MAPK10: variants seen among roughly 807,000 people sequenced by gnomAD.
The protein encoded by MAPK10 is mitogen-activated protein kinase 10.
MAPK10 carries 25 observed loss-of-function variants against 59.3 expected under a neutral mutation model. That is an observed-to-expected ratio of 0.42 (90% CI 0.31 to 0.59). MAPK10 has a LOEUF of 0.59. MAPK10 is among the 20% of genes least tolerant of loss of function. The probability of loss-of-function intolerance (pLI) is 0.15; values close to 1 mark genes in which losing one functional copy is unlikely to be tolerated. For missense variants in MAPK10, 351 were observed against 568.9 expected (o/e 0.62, Z 3.90); for synonymous variants, 190 against 200.5 (o/e 0.95, Z 0.44).
intron 1 of MAPK10, among the ~76,000 whole-genome samples, chr4:86,396,478 G>A (rs1742965496): frequency 6.6e-6 from 1 of 152,148 alleles, no homozygotes. Flanking sequence ...TAAACTATGT[G>A]TAAAATACAC....
intron 2 of MAPK10, among the ~76,000 whole-genome samples, chr4:86,262,052 C>T (rs539321244): frequency 1.1e-4 from 16 of 152,150 alleles, no homozygotes; most frequent in South Asian, 2.1e-4. Flanking sequence ...TGATTTGTTG[C>T]GCTATGATTT....
At position 86,047,426 on chromosome 4, in the gene MAPK10, C is replaced by G. The variant is rs180997020; in HGVS notation, c.1111-15995G>C. On this transcript the variant is annotated intron_variant, in intron 11 of 13. Coordinates refer to ENST00000641462, the MANE Select transcript of MAPK10 (RefSeq NM_138982.4). The stretch of plus-strand genomic sequence containing the variant: ...AGCTTGCTTGGTGTGGTAAGGAAAC[C>G]GCAAGGATGCCATATACTGGTGCAG... Among the ~76,000 whole-genome samples the G allele has an allele frequency of 2.1e-4, 32 of 152,100 alleles. No individual in the cohort carries two copies. In the East Asian group the frequency reaches 4.3e-3, roughly 20 times the overall value.
At position 86,435,520 on chromosome 4, in the gene MAPK10, T is replaced by C. The variant is rs1748606647; in HGVS notation, c.-122+17510A>G. Among the ~76,000 whole-genome samples the C allele has an allele frequency of 2.0e-5, 3 of 152,004 alleles. No homozygotes were observed. In the South Asian group the frequency reaches 6.2e-4, roughly 32 times the overall value. The stretch of plus-strand genomic sequence containing the variant: ...CTCACAAAAAAAAAGGCAAAGATGG[T>C]AAATTTTATATGTATATTTTACCTT... On this transcript the variant is annotated intron_variant, in intron 1 of 13. Transcript: ENST00000361569.
chr4:86,305,669 A>G (rs1019142398), intron 2 of MAPK10, among the ~76,000 whole-genome samples: 2 of 152,042 alleles, frequency 1.3e-5, no homozygotes, highest in African/African-American at 4.8e-5. Flanking sequence ...AAATACAAAA[A>G]TTAGCCAAGC....
At chr4:86,271,012 C>G (rs1413107707) in intron 2 of MAPK10, among the ~76,000 whole-genome samples, 2 of 152,022 alleles carry the variant, frequency 1.3e-5, no homozygotes, top group South Asian at 2.1e-4. Context: ...CATATACTTT[C>G]ATTTCTCTTG....
intron 4 of MAPK10, among the ~76,000 whole-genome samples, chr4:86,131,633 T>A (rs759048819): frequency 1.5e-4 from 23 of 152,300 alleles, no homozygotes; most frequent in African/African-American, 5.3e-4. Flanking sequence ...ACTGGCAGCA[T>A]GTTGTGCCAA....
intron 2 of MAPK10, among the ~76,000 whole-genome samples, chr4:86,294,563 G>A (rs1481991845): frequency 2.6e-5 from 4 of 151,742 alleles, no homozygotes; most frequent in African/African-American, 9.7e-5. Flanking sequence ...TCAAGAATAA[G>A]TATTTTCTGA....
chr4:86,593,634 T>G (rs1763276820), intron 1 of MAPK10: 1 of 152,160 alleles, frequency 6.6e-6, no homozygotes. Flanking sequence ...TTTACAAACT[T>G]TTTTCAAAAA....
intron 1 of MAPK10, among the ~76,000 whole-genome samples, chr4:86,415,417 A>T (rs1745741527): frequency 6.6e-6 from 1 of 152,230 alleles, no homozygotes; most frequent in Non-Finnish European, 1.5e-5. Context: ...AAAAACTGTA[A>T]GGCAGCATTA....
At chr4:86,059,673 C>G (rs111940015) in intron 11 of MAPK10, among the ~76,000 whole-genome samples, 1 of 152,016 alleles carries the variant, frequency 6.6e-6, no homozygotes, top group African/African-American at 2.4e-5. Flanking sequence ...CAGCACTGGC[C>G]CTGTTTACCA....
chr4:86,133,577 C>A (rs1580917288), intron 4 of MAPK10, among the ~76,000 whole-genome samples: 1 of 152,182 alleles, frequency 6.6e-6, no homozygotes, highest in Non-Finnish European at 1.5e-5. Context: ...AACTACTTGA[C>A]CTTTCTCAAA....
In MAPK10 at chr4:86,016,982, C is replaced by A; in HGVS notation, c.*246G>T. On this transcript the variant is annotated 3_prime_UTR_variant, in exon 14 of 14. Coordinates refer to ENST00000641462, the MANE Select transcript of MAPK10 (RefSeq NM_138982.4). ...TGTCTGATTTGCTTTCTGTAGTAAG[C>A]ATCATTGGAAGAAGACCAAAGCAAG... 2.5e-6 allele frequency: 1 copy of A among 392,288 alleles called. No homozygotes were observed. The highest frequency in any genetic ancestry group is 4.7e-6 in the Non-Finnish European group (1 of 214,880). The allele number at this position is 392,288 out of a possible 1,614,324, so 24.3% of individuals were successfully genotyped here.
intron 2 of MAPK10, among the ~76,000 whole-genome samples, chr4:86,302,119 C>T (rs190861397): frequency 3.0e-4 from 46 of 152,216 alleles, no homozygotes; most frequent in Admixed American, 1.4e-3. Context: ...GATAACCAGC[C>T]GAAGTCAGCA....
intron 1 of MAPK10, among the ~76,000 whole-genome samples, chr4:86,588,610 T>C (rs941534736): frequency 4.6e-5 from 7 of 152,178 alleles, no homozygotes; most frequent in African/African-American, 1.4e-4. Context: ...ATGAATATCC[T>C]TGATCACATA....
chr4:86,456,801 A>G (rs186371337), upstream of MAPK10, among the ~76,000 whole-genome samples: 594 of 152,326 alleles, frequency 3.9e-3, 8 homozygotes, highest in African/African-American at 0.014. Context: ...TCCCTAAATC[A>G]TTCTATGAAG....
chr4:86,498,881 G>C (rs951717550), intron 1 of MAPK10, among the ~76,000 whole-genome samples: 2 of 152,224 alleles, frequency 1.3e-5, no homozygotes, highest in Admixed American at 1.3e-4. Context: ...GGCACTCAAA[G>C]AAAGTAAAAT....
upstream of MAPK10, chr4:86,360,304 A>G (rs1487668113): frequency 1.9e-6 from 1 of 535,468 alleles, no homozygotes; most frequent in Non-Finnish European, 2.4e-6. Context: ...GCCAGCCTGC[A>G]CAACCTGAAG....
intron 4 of MAPK10, among the ~76,000 whole-genome samples, chr4:86,127,368 T>C (rs2060243981): frequency 6.6e-6 from 1 of 152,064 alleles, no homozygotes; most frequent in South Asian, 2.1e-4. Flanking sequence ...TGATGATTGA[T>C]GTACTCCTAA....
chr4:86,205,658 T>C lies in MAPK10; in HGVS notation c.-6-11251A>G, dbSNP rs375765805. On this transcript the variant is annotated intron_variant, in intron 2 of 13. Coordinates refer to ENST00000641462, the MANE Select transcript of MAPK10 (RefSeq NM_138982.4). Reference sequence around the variant, plus strand: ...CCCAAGTATACAAGCATGTGGCAAATTGAGAATCTCTAGTAATATAATTCA... The same window carrying C: ...CCCAAGTATACAAGCATGTGGCAAACTGAGAATCTCTAGTAATATAATTCA... Among the ~76,000 whole-genome samples the C allele has an allele frequency of 2.6e-5, 4 of 151,990 alleles. No individual in the cohort carries two copies. The East Asian group carries it at 7.7e-4, about 29-fold the overall frequency.
Sources: allele counts gnomAD v4.1 joint callset (sites outside exome capture counted in the v4.1 genomes callset), GRCh38; gene constraint gnomAD v4.1.1; transcripts MANE v1.5; gene names NCBI Gene and HGNC (gene_info 2026-07-23, HGNC 2026-07-21).